Variants in DLG2 observed in about 807,000 individuals in gnomAD.
The protein encoded by DLG2 is discs large MAGUK scaffold protein 2, also known as disks large homolog 2.
Under a neutral mutation model 132.5 loss-of-function variants are expected in DLG2, and 45 were observed. The observed-to-expected ratio is 0.34, with a 90% CI of 0.27 to 0.44. DLG2 has a LOEUF of 0.44. Ranked by LOEUF, DLG2 falls within the 20% of genes least tolerant of loss-of-function variation. The pLI, the probability that DLG2 is intolerant of heterozygous loss-of-function variation, is 1.00. For synonymous variants in DLG2, 424 were observed against 419.6 expected, an observed-to-expected ratio of 1.01 and a Z score of -0.13; for missense variants, 1,045 against 1,196.9, an observed-to-expected ratio of 0.87 and a Z score of 1.87.
chr11:84,691,971 T>C (rs1377005899), intron 6 of DLG2, among the ~76,000 whole-genome samples: 1 of 151,814 alleles, frequency 6.6e-6, no homozygotes, highest in Non-Finnish European at 1.5e-5. Flanking sequence ...ATTCTCCACA[T>C]TTCTGCCTTT....
intron 8 of DLG2, among the ~76,000 whole-genome samples, chr11:84,194,476 A>G (rs1266177008): frequency 6.6e-6 from 1 of 152,194 alleles, no homozygotes; most frequent in African/African-American, 2.4e-5. Context: ...TATTGCAAAC[A>G]GTGAAAGAAC....
chr11:85,304,293 C>T (rs2079797754), intron 3 of DLG2, among the ~76,000 whole-genome samples: 1 of 152,106 alleles, frequency 6.6e-6, no homozygotes, highest in African/African-American at 2.4e-5. Context: ...AGAAAACATA[C>T]CCTCTGCTTG....
intron 6 of DLG2, chr11:84,544,982 CAT>C (rs1268897550): frequency 2.9e-6 from 1 of 341,614 alleles, no homozygotes; most frequent in South Asian, 2.5e-5. Context: ...ATTTTTTGTC[CAT>C]ACACATGAGT....
intron 6 of DLG2, among the ~76,000 whole-genome samples, chr11:84,926,281 T>C (rs948443855): frequency 1.3e-5 from 2 of 152,024 alleles, no homozygotes; most frequent in African/African-American, 4.8e-5. Flanking sequence ...TTTTGGAAGG[T>C]AGTTTGGAAT....
chr11:83,903,507 A>G (rs1253984956), intron 15 of DLG2, among the ~76,000 whole-genome samples: 2 of 152,130 alleles, frequency 1.3e-5, no homozygotes, highest in Non-Finnish European at 2.9e-5. Flanking sequence ...TTTCTGGTAG[A>G]AGTAGAATTG....
intron 15 of DLG2, among the ~76,000 whole-genome samples, chr11:83,887,435 T>G (rs1227203967): frequency 2.2e-4 from 33 of 151,944 alleles, no homozygotes; most frequent in East Asian, 1.9e-4. Flanking sequence ...AATAACAGGC[T>G]CTGAAATTGT....
At chr11:85,148,884 T>A (rs1360076829) in intron 5 of DLG2, among the ~76,000 whole-genome samples, 1 of 152,204 alleles carries the variant, frequency 6.6e-6, no homozygotes. Flanking sequence ...TGGTTTTGGG[T>A]TTACATTTAA....
intron 21 of DLG2, among the ~76,000 whole-genome samples, chr11:83,508,284 T>G (rs887440621): frequency 2.0e-5 from 3 of 151,638 alleles, no homozygotes; most frequent in Non-Finnish European, 4.4e-5. Context: ...AAGCCCAGGT[T>G]GGAGTGCAGT....
intron 16 of DLG2, among the ~76,000 whole-genome samples, chr11:83,852,828 G>A (rs1213144987): frequency 1.3e-5 from 2 of 152,158 alleles, no homozygotes; most frequent in African/African-American, 4.8e-5. Context: ...GGAAAAAAGA[G>A]GAAGAGCATT....
intron 19 of DLG2, among the ~76,000 whole-genome samples, chr11:83,542,182 C>T (rs571472128): frequency 6.6e-6 from 1 of 152,040 alleles, no homozygotes; most frequent in South Asian, 2.1e-4. Context: ...AGATTTTTTT[C>T]CCCTCCCATT....
chr11:84,194,361 G>C (rs1210139843), intron 8 of DLG2, among the ~76,000 whole-genome samples: 1 of 152,096 alleles, frequency 6.6e-6, no homozygotes, highest in South Asian at 2.1e-4. Context: ...TCTTCTGGTG[G>C]GTTCATGGTT....
At chr11:84,472,317 CT>C (rs1567722928) in intron 7 of DLG2, among the ~76,000 whole-genome samples, 1 of 151,914 alleles carries the variant, frequency 6.6e-6, no homozygotes, top group Non-Finnish European at 1.5e-5. Context: ...AGTCAAAATG[CT>C]TTTCAAGTTC....
chr11:83,991,964 G>C (rs1405327811), intron 11 of DLG2, among the ~76,000 whole-genome samples: 1 of 152,066 alleles, frequency 6.6e-6, no homozygotes, highest in Non-Finnish European at 1.5e-5. Flanking sequence ...AGGAAATTTG[G>C]ACACAGAAAT....
chr11:83,611,051 T>C (rs923153217), intron 19 of DLG2, among the ~76,000 whole-genome samples: 1 of 152,202 alleles, frequency 6.6e-6, no homozygotes, highest in Admixed American at 6.5e-5. Flanking sequence ...ACTCATGGTC[T>C]TTTATTTTCC....
At chr11:83,961,553 T>C (rs1337905179) in intron 14 of DLG2, among the ~76,000 whole-genome samples, 2 of 152,174 alleles carry the variant, frequency 1.3e-5, no homozygotes, top group East Asian at 1.9e-4. Context: ...TGAAAGCCTT[T>C]TTCTGTGTGT....
intron 21 of DLG2, among the ~76,000 whole-genome samples, chr11:83,528,053 G>A (rs180976994): frequency 1.3e-5 from 2 of 152,238 alleles, no homozygotes; most frequent in East Asian, 3.9e-4. Flanking sequence ...ACATTCCCAG[G>A]GGAGCTTGAC....
At chr11:83,848,224 G>A (rs1447704188) in intron 16 of DLG2, among the ~76,000 whole-genome samples, 2 of 150,456 alleles carry the variant, frequency 1.3e-5, no homozygotes, top group Admixed American at 1.3e-4. Context: ...TCTCTCACTA[G>A]AATGCAATCT....
chr11:83,751,516 T>G (rs2093309893), intron 18 of DLG2, among the ~76,000 whole-genome samples: 1 of 152,156 alleles, frequency 6.6e-6, no homozygotes, highest in African/African-American at 2.4e-5. Context: ...TCAGTTGCAT[T>G]AACCCAGGTA....
intron 4 of DLG2, among the ~76,000 whole-genome samples, chr11:85,281,407 T>G (rs986682691): frequency 6.6e-6 from 1 of 152,016 alleles, no homozygotes; most frequent in African/African-American, 2.4e-5. Context: ...ATCCCATTGT[T>G]CTTCCTATCA....
Sources: gnomAD v4.1 joint callset for allele counts (sites outside exome capture counted in the v4.1 genomes callset) on GRCh38, gnomAD v4.1.1 for gene constraint, MANE v1.5 for transcripts, NCBI Gene and HGNC (gene_info 2026-07-23, HGNC 2026-07-21) for gene names.